Variants in GFPT1 observed in about 807,000 individuals in gnomAD.
GFPT1 encodes glutamine--fructose-6-phosphate aminotransferase [isomerizing] 1.
A neutral mutation model predicts 92.0 loss-of-function variants in GFPT1; 40 were observed. The ratio of observed to expected loss-of-function variants is 0.43; its 90% CI spans 0.34 to 0.57. GFPT1 has a LOEUF of 0.57. Among genes scored for constraint, GFPT1 ranks in the 20% least tolerant of loss-of-function variants. GFPT1 has a pLI of 0.02. For missense variants in GFPT1, 448 were observed against 869.1 expected, an observed-to-expected ratio of 0.52 and a Z score of 6.09; for synonymous variants, 269 against 280.6, an observed-to-expected ratio of 0.96 and a Z score of 0.41.
intron 1 of GFPT1, among the ~76,000 whole-genome samples, chr2:69,385,891 T>C (rs1672117129): frequency 6.6e-6 from 1 of 152,102 alleles, no homozygotes; most frequent in South Asian, 2.1e-4. Flanking sequence ...GAAGCTGAAA[T>C]GAGCATAAAG....
At chr2:69,373,183 A>G (rs1206806631) in intron 2 of GFPT1, among the ~76,000 whole-genome samples, 1 of 152,218 alleles carries the variant, frequency 6.6e-6, no homozygotes, top group African/African-American at 2.4e-5. Flanking sequence ...AGCCATGAGT[A>G]CAACCAAATG....
chr2:69,371,241 A>T (rs1671740059), intron 2 of GFPT1: 1 of 148,410 alleles, frequency 6.7e-6, no homozygotes, highest in Admixed American at 6.7e-5. Flanking sequence ...ATGCGTGGCT[A>T]ATTTTTTTTT....
chr2:69,354,595 T>G (rs1161179222), intron 7 of GFPT1, 27 bp from the exon 8 acceptor site: 9 of 1,372,566 alleles, frequency 6.6e-6, no homozygotes, highest in Non-Finnish European at 9.4e-6. Context: ...CAGTTAGAAT[T>G]AAACCATTTT....
chr2:69,346,045 A>C (rs751743706), intron 11 of GFPT1, 46 bp from the exon 12 acceptor site: 31 of 1,069,962 alleles, frequency 2.9e-5, no homozygotes, highest in East Asian at 9.4e-5. Flanking sequence ...CAAATCAAAT[A>C]AAAGAATTTG....
At chr2:69,385,173 AAGGT>A (rs1224175074) in intron 1 of GFPT1, among the ~76,000 whole-genome samples, 1 of 152,168 alleles carries the variant, frequency 6.6e-6, no homozygotes, top group Non-Finnish European at 1.5e-5. Flanking sequence ...CTCCACCCTA[AAGGT>A]ATCTCCCTTA....
chr2:69,333,257 TAATGAGTA>T (rs1670715968), intron 15 of GFPT1, among the ~76,000 whole-genome samples: 2 of 152,226 alleles, frequency 1.3e-5, no homozygotes. Context: ...ACTGATCAGA[TAATGAGTA>T]TTCCAGTTCC....
intron 1 of GFPT1, among the ~76,000 whole-genome samples, chr2:69,385,078 T>G (rs1386213383): frequency 1.3e-5 from 2 of 152,198 alleles, no homozygotes; most frequent in East Asian, 1.9e-4. Flanking sequence ...AATATTCACT[T>G]TTTATTTCTT....
chr2:69,375,215 T>C (rs1373401150), intron 1 of GFPT1, among the ~76,000 whole-genome samples: 1 of 151,728 alleles, frequency 6.6e-6, no homozygotes, highest in African/African-American at 2.4e-5. Flanking sequence ...CTAAATTATA[T>C]AAAATATACA....
At chr2:69,384,620 G>A (rs1318759937) in intron 1 of GFPT1, among the ~76,000 whole-genome samples, 2 of 147,886 alleles carry the variant, frequency 1.4e-5, no homozygotes, top group African/African-American at 2.5e-5. Flanking sequence ...GTTGAACCCC[G>A]GAGACAGAGG....
rs959165367 is a variant in GFPT1 at position 69,320,523 on chromosome 2, CA to C, written c.*5665del. 1 of 152,368 alleles carries C rather than the reference CA, an allele frequency of 6.6e-6. No homozygotes were observed. The highest frequency in any genetic ancestry group is 6.5e-5 in the Admixed American group (1 of 15,294). The allele number at this position is 152,368 out of a possible 1,614,324, so 9.4% of individuals were successfully genotyped here. ...TATGTCTGGGCAGGACACGGTGACT[CA>C]TGCCTGTAATCCCAGCACTTTGGGA... On this transcript the variant is annotated 3_prime_UTR_variant, in exon 20 of 20. Coordinates refer to ENST00000357308, the MANE Select transcript of GFPT1 (RefSeq NM_001244710.2).
At chr2:69,363,422 T>C (rs758129119) in intron 4 of GFPT1, 123 bp downstream of exon 4, 1 of 1,043,834 alleles carries the variant, frequency 9.6e-7, no homozygotes, top group Non-Finnish European at 1.4e-6. Flanking sequence ...TCTCTACTAC[T>C]TCTGAATGTT....
chr2:69,358,477 G>C lies in GFPT1; in HGVS notation c.409-14C>G, dbSNP rs1428530422. 6.4e-7 allele frequency: 1 copy of C among 1,554,250 alleles called. No individual in the cohort carries two copies. Among genetic ancestry groups the C allele is most frequent in the Non-Finnish European group, 8.8e-7 (1 of 1,132,610 alleles). On this transcript the variant is annotated splice_polypyrimidine_tract_variant and intron_variant, in intron 5 of 19. Transcript: ENST00000357308. The stretch of plus-strand genomic sequence containing the variant: ...GCCTTTGCTTTCCTGTAAGTAGAAA[G>C]AAAAAAAAGATACAATTAAAGAAAT...
At chr2:69,336,839 T>G (rs892350852) in intron 15 of GFPT1, among the ~76,000 whole-genome samples, 12 of 152,132 alleles carry the variant, frequency 7.9e-5, no homozygotes, top group African/African-American at 2.9e-4. Flanking sequence ...AAAACACTTG[T>G]GGAGGGATAA....
chr2:69,384,756 G>A (rs1224782800), intron 1 of GFPT1, among the ~76,000 whole-genome samples: 3 of 141,546 alleles, frequency 2.1e-5, no homozygotes, highest in Non-Finnish European at 3.1e-5. Flanking sequence ...GAAAGAAAGA[G>A]AGAGAAAGAA....
At chr2:69,361,641 T>C (rs1308109942) in intron 4 of GFPT1, among the ~76,000 whole-genome samples, 7 of 152,142 alleles carry the variant, frequency 4.6e-5, no homozygotes, top group African/African-American at 7.2e-5. Context: ...ACAGTAAGTA[T>C]TGAAGCACAA....
chr2:69,326,853 A>C (rs1670543727), intron 19 of GFPT1, 61 bp downstream of exon 19: 2 of 1,509,964 alleles, frequency 1.3e-6, no homozygotes, highest in African/African-American at 2.7e-5. Flanking sequence ...TAGGAGAAAA[A>C]AATCAGAATG....
intron 4 of GFPT1, 94 bp downstream of exon 4, chr2:69,363,451 A>G (rs976545233): frequency 5.3e-6 from 7 of 1,328,068 alleles, no homozygotes; most frequent in Non-Finnish European, 7.5e-6. Context: ...TCCAGATGAA[A>G]AATTATTAAA....
Position 69,348,352 on chromosome 2 carries a change from A to T in GFPT1, c.846-18T>A. On this transcript the variant is annotated intron_variant, in intron 10 of 19. Transcript: ENST00000357308. ...TGACAGCACTATAAAGTTTTCAAGG[A>T]GATATTACAATCGATAACCAAGGAT... The T allele has an allele frequency of 6.3e-7, 1 of 1,584,824 alleles. No homozygotes were observed. Among genetic ancestry groups the T allele is most frequent in the Non-Finnish European group, 8.7e-7 (1 of 1,153,360 alleles).
At chr2:69,349,588 T>A (rs1011340663) in intron 10 of GFPT1, among the ~76,000 whole-genome samples, 1 of 152,202 alleles carries the variant, frequency 6.6e-6, no homozygotes, top group Non-Finnish European at 1.5e-5. Flanking sequence ...CATGTAAACA[T>A]CCCCCTGCAT....
Sources: gnomAD v4.1 joint callset for allele counts (sites outside exome capture counted in the v4.1 genomes callset) on GRCh38, gnomAD v4.1.1 for gene constraint, MANE v1.5 for transcripts, NCBI Gene and HGNC (gene_info 2026-07-23, HGNC 2026-07-21) for gene names.